Variants in GAB2 observed in about 807,000 individuals in gnomAD.
The protein encoded by GAB2 is GRB2-associated-binding protein 2.
Under a neutral mutation model 65.5 loss-of-function variants are expected in GAB2, and 26 were observed. That is an observed-to-expected ratio of 0.40 (90% confidence interval 0.29 to 0.55). The LOEUF (loss-of-function observed/expected upper bound fraction) is 0.55, where lower values mean the gene tolerates loss of function less well. Among genes scored for constraint, GAB2 ranks in the 20% least tolerant of loss-of-function variants. The pLI is 0.53. For synonymous variants in GAB2, 321 were observed against 329.6 expected (o/e 0.97, Z 0.28); for missense variants, 884 against 875.8 (o/e 1.01, Z -0.12).
intron 3 of GAB2, among the ~76,000 whole-genome samples, chr11:78,246,601 C>T (rs867007753): frequency 6.6e-5 from 10 of 152,016 alleles, no homozygotes; most frequent in African/African-American, 2.4e-4. Context: ...TGGCTTCAAG[C>T]GATTCTCCTG....
At chr11:78,240,650 C>A (rs556782679) in intron 3 of GAB2, among the ~76,000 whole-genome samples, 15 of 152,270 alleles carry the variant, frequency 9.9e-5, no homozygotes, top group African/African-American at 3.4e-4. Flanking sequence ...GTGTATCAAT[C>A]CCTGGGACCC....
intron 1 of GAB2, among the ~76,000 whole-genome samples, chr11:78,417,304 C>G (rs1207516848): frequency 6.6e-6 from 1 of 151,870 alleles, no homozygotes; most frequent in Non-Finnish European, 1.5e-5. Context: ...TGCCGCGGAG[C>G]CCCAGCCCCG....
At position 78,215,922 on chromosome 11, in the gene GAB2, C is replaced by T. The variant is rs533612481; in HGVS notation, c.*3350G>A. The stretch of plus-strand genomic sequence containing the variant: ...GAGAAGGGGCCAGAGGGAGGATGAG[C>T]TGAGCCCATGCTCCAGTAACTTCAG... On this transcript the variant is annotated 3_prime_UTR_variant, in exon 10 of 10. Transcript: ENST00000361507. The T allele has an allele frequency of 6.5e-6, 1 of 152,816 alleles. No homozygotes were observed. Among genetic ancestry groups the T allele is most frequent in the South Asian group, 2.1e-4 (1 of 4,830 alleles). 9.5% of individuals were successfully genotyped at this position (152,816 alleles called of 1,614,324 possible).
rs748737225 is a variant in GAB2, at chr11:78,250,302, A to T, written c.475T>A (p.Ser159Thr). 6 of 1,613,602 alleles carry T rather than the reference A, an allele frequency of 3.7e-6. No homozygotes were observed. The South Asian group carries it at 6.6e-5, about 18-fold the overall frequency. The change falls in exon 3 of 10, where the codon TCA becomes ACA. Residue 159 changes from serine (S) to threonine (T), a missense_variant. Coordinates refer to ENST00000361507, the MANE Select transcript of GAB2 (RefSeq NM_080491.3). ...GGCTGGCTGGAGTGTGATGGGGCTG[A>T]GGACTTGCGCTCTCGGAGAAGGTGC... is the stretch of plus-strand genomic sequence containing the variant. ...SQHLLRERKS[S>T]APSHSSQPTL...
At chr11:78,357,670 T>C (rs1033636667) in intron 1 of GAB2, among the ~76,000 whole-genome samples, 7 of 152,146 alleles carry the variant, frequency 4.6e-5, no homozygotes, top group African/African-American at 1.7e-4. Context: ...CAAAAGACAT[T>C]TATGCAGCCA....
Position 78,335,393 on chromosome 11 carries a change from A to C in GAB2, c.76-54492T>G, listed in dbSNP as rs1206020366. Among the ~76,000 whole-genome samples, 76 of 152,250 alleles carry C rather than the reference A, an allele frequency of 5.0e-4. 2 individuals are homozygous for C. The highest frequency in any genetic ancestry group is 1.5e-4 in the Non-Finnish European group (10 of 68,010). On this transcript the variant is annotated intron_variant, in intron 1 of 9. Transcript: ENST00000361507. ...TTAGAGGTTTTAGATTTAAGTCTTT[A>C]ATTCATTTTGATTTGATTTTTGTAT...
chr11:78,380,365 C>T (rs1214280455), intron 1 of GAB2, among the ~76,000 whole-genome samples: 2 of 152,128 alleles, frequency 1.3e-5, no homozygotes, highest in African/African-American at 2.4e-5. Flanking sequence ...CCACCATGCC[C>T]AGCTAATTTT....
chr11:78,371,343 T>C (rs1591070912), intron 1 of GAB2, among the ~76,000 whole-genome samples: 1 of 152,370 alleles, frequency 6.6e-6, no homozygotes, highest in East Asian at 1.9e-4. Context: ...ATCTGCTCCT[T>C]GTTGTGAAAC....
Position 78,223,490 on chromosome 11 carries a change from G to C in GAB2, c.1489C>G (p.Pro497Ala). Residue 497 changes from proline (P) to alanine (A), a missense_variant, in exon 6 of 10, where the codon CCT (proline) becomes GCT (alanine). Transcript: ENST00000361507. ...DSLGYPSTTL[P>A]VHRGPSRGSE... ...CCTCTGCTGGGGCCTCGGTGCACAG[G>C]AAGGGTTGTTGATGGGTAGCCAAGT... The C allele has an allele frequency of 6.2e-7, 1 of 1,609,688 alleles. No individual in the cohort carries two copies. Among genetic ancestry groups the C allele is most frequent in the Non-Finnish European group, 8.5e-7 (1 of 1,177,658 alleles).
chr11:78,217,575 G>T lies in GAB2; in HGVS notation c.*1697C>A, dbSNP rs1457151800. On this transcript the variant is annotated 3_prime_UTR_variant, in exon 10 of 10. Coordinates refer to ENST00000361507, the MANE Select transcript of GAB2 (RefSeq NM_080491.3). ...AGGAAGAAGTTCTGTTCGCCCCAGG[G>T]TAGAATGAAACGTCTGGTCTGTCCT... The T allele has an allele frequency of 6.6e-6, 1 of 152,196 alleles. No homozygotes were observed. The highest frequency in any genetic ancestry group is 1.5e-5 in the Non-Finnish European group (1 of 68,056). 9.4% of individuals were successfully genotyped at this position (152,196 alleles called of 1,614,324 possible). A position where few individuals can be genotyped will look rare whatever the true frequency, so the allele number is the denominator to read the frequency against.
chr11:78,348,047 TATTG>T (rs1354310577), intron 1 of GAB2, among the ~76,000 whole-genome samples: 4 of 152,194 alleles, frequency 2.6e-5, no homozygotes, highest in African/African-American at 9.7e-5. Flanking sequence ...ATGTATTTAG[TATTG>T]ATTAAGTGGA....
chr11:78,290,901 G>C (rs1866647613), intron 1 of GAB2, among the ~76,000 whole-genome samples: 1 of 152,162 alleles, frequency 6.6e-6, no homozygotes, highest in African/African-American at 2.4e-5. Context: ...TTTGAAGAAA[G>C]AGGCAAGGTG....
intron 1 of GAB2, among the ~76,000 whole-genome samples, chr11:78,408,529 C>T (rs985687165): frequency 2.6e-4 from 39 of 152,164 alleles, no homozygotes; most frequent in Non-Finnish European, 3.8e-4. Context: ...TAAGCTCTAG[C>T]ATATTAGAAA....
At chr11:78,410,992 TA>T (rs35722647) in intron 1 of GAB2, among the ~76,000 whole-genome samples, 17 of 146,904 alleles carry the variant, frequency 1.2e-4, no homozygotes, top group African/African-American at 1.3e-4. Context: ...CTACAAATAA[TA>T]AAAAAAAAAA....
chr11:78,253,238 A>G (rs1865506890), intron 2 of GAB2, among the ~76,000 whole-genome samples: 1 of 151,742 alleles, frequency 6.6e-6, no homozygotes, highest in African/African-American at 2.4e-5. Context: ...CTCGATCACC[A>G]CTGCCTCAGC....
At chr11:78,312,776 A>G (rs1322456970) in intron 1 of GAB2, among the ~76,000 whole-genome samples, 1 of 152,202 alleles carries the variant, frequency 6.6e-6, no homozygotes, top group African/African-American at 2.4e-5. Context: ...GAAGTGGTTA[A>G]GTAACTTAAT....
At chr11:78,320,595 T>A (rs1235071882) in intron 1 of GAB2, among the ~76,000 whole-genome samples, 2 of 151,990 alleles carry the variant, frequency 1.3e-5, no homozygotes, top group African/African-American at 4.8e-5. Context: ...CTGGGAGATT[T>A]TTTTCTTTTT....
intron 1 of GAB2, among the ~76,000 whole-genome samples, chr11:78,332,890 G>T (rs904186256): frequency 6.6e-6 from 1 of 152,084 alleles, no homozygotes; most frequent in Non-Finnish European, 1.5e-5. Flanking sequence ...TATAGTTTTT[G>T]TTTTTTTAAG....
chr11:78,232,107 A>G (rs1417513234), intron 3 of GAB2, among the ~76,000 whole-genome samples: 1 of 152,204 alleles, frequency 6.6e-6, no homozygotes, highest in African/African-American at 2.4e-5. Context: ...GTGAAACTAA[A>G]AGTTGTATAT....
Sources: gnomAD v4.1 joint callset for allele counts (sites outside exome capture counted in the v4.1 genomes callset) on GRCh38, gnomAD v4.1.1 for gene constraint, MANE v1.5 for transcripts, NCBI Gene and HGNC (gene_info 2026-07-23, HGNC 2026-07-21) for gene names.